Variants in DISP1 observed in about 807,000 individuals in gnomAD.
The protein encoded by DISP1 is protein dispatched homolog 1.
A neutral mutation model predicts 37.3 loss-of-function variants in DISP1; 30 were observed. That is an observed-to-expected ratio of 0.80 (90% CI 0.60 to 1.09). The LOEUF (loss-of-function observed/expected upper bound fraction) is 1.09, where lower values mean the gene tolerates loss of function less well. Ranked by LOEUF, DISP1 falls within the 50% of genes least tolerant of loss-of-function variation. DISP1 has a pLI of 0.00. For missense variants in DISP1, 1,598 were observed against 1,879.5 expected (o/e 0.85, Z 2.77); for synonymous variants, 634 against 690.2 (o/e 0.92, Z 1.28).
At chr1:222,959,700 C>CAAA (rs139605919) in intron 3 of DISP1, among the ~76,000 whole-genome samples, 46 of 111,790 alleles carry the variant, frequency 4.1e-4, no homozygotes, top group African/African-American at 1.4e-3. Context: ...AACTCTGTCT[C>CAAA]AAAAAAAAAA....
Position 222,994,889 on chromosome 1 carries a change from C to T in DISP1, c.894C>T (p.Asp298=). 1 of 1,606,366 alleles carries T rather than the reference C, an allele frequency of 6.2e-7. No homozygotes were observed. The highest frequency in any genetic ancestry group is 8.5e-7 in the Non-Finnish European group (1 of 1,173,998). The part of the protein sequence containing the change: ...KDSFFCDVPS[D]RYSRVVFTSS... Reference sequence around the variant, plus strand: ...TTTTTTTTTTCATATCACCAGGTGACCGATATTCCAGAGTGGTATTTACTT... The same window carrying T: ...TTTTTTTTTTCATATCACCAGGTGATCGATATTCCAGAGTGGTATTTACTT... The change falls in exon 8 of 9, where the codon GAC becomes GAT. Residue 298 remains aspartate (D), a synonymous_variant. Coordinates refer to ENST00000675850, the MANE Select transcript of DISP1 (RefSeq NM_001377229.1).
Position 223,004,792 on chromosome 1 carries a change from G to T in DISP1, c.3395G>T (p.Arg1132Leu). Residue 1132 changes from arginine to leucine, a missense_variant, in exon 9 of 9, where the codon CGG becomes CTG. Physicochemically the swap from Arg to Leu is moderately radical, Grantham distance 102 (BLOSUM62 -2). Coordinates refer to ENST00000675850, the MANE Select transcript of DISP1 (RefSeq NM_001377229.1). This position sits in a 1 kb window ranked among gnomAD's most constrained non-coding sequence, Gnocchi z 4.9. ...ACCTTCTTTTTCCAGTGCATGTGCCGGTGCCTTGGACCACAGGGTACCTGT... is the reference window on the plus strand; with the variant it reads ...ACCTTCTTTTTCCAGTGCATGTGCCTGTGCCTTGGACCACAGGGTACCTGT... ...FATFFFQCMC[R>L]CLGPQGTCGQ... The T allele has an allele frequency of 6.2e-7, 1 of 1,612,556 alleles. No homozygotes were observed.
At chr1:222,852,502 C>T (rs950556277) in intron 1 of DISP1, among the ~76,000 whole-genome samples, 4 of 151,924 alleles carry the variant, frequency 2.6e-5, no homozygotes, top group African/African-American at 4.8e-5. Flanking sequence ...CCACCGTGCC[C>T]GGCACCAAAG....
At chr1:222,816,072 A>AAT (rs68057775) in intron 1 of DISP1, among the ~76,000 whole-genome samples, 3,974 of 143,980 alleles carry the variant, frequency 0.028, 53 homozygotes, top group South Asian at 0.059. Flanking sequence ...GCTGTAAGGA[A>AAT]ATATATATAT....
chr1:222,919,377 C>T (rs1437185759), intron 1 of DISP1, among the ~76,000 whole-genome samples: 1 of 152,180 alleles, frequency 6.6e-6, no homozygotes, highest in Non-Finnish European at 1.5e-5. Flanking sequence ...ACATTGAAGC[C>T]TGTTAGCAAT....
Position 222,846,924 on chromosome 1 carries a change from A to G in DISP1, c.-159+31846A>G, listed in dbSNP as rs1279216799. On this transcript the variant is annotated intron_variant, in intron 1 of 8. Coordinates refer to ENST00000675850, the MANE Select transcript of DISP1 (RefSeq NM_001377229.1). The stretch of plus-strand genomic sequence containing the variant: ...TAGTTTCCGTTGTGATAATTTTTGT[A>G]GCTTCTCAACAGTATTTAAATTTTG... Among the ~76,000 whole-genome samples the G allele has an allele frequency of 8.5e-5, 13 of 152,358 alleles. No individual in the cohort carries two copies. The East Asian group carries it at 1.3e-3, about 16-fold the overall frequency.
Position 222,902,030 on chromosome 1 carries a change from A to G in DISP1, c.-158-26400A>G, listed in dbSNP as rs570239498. Among the ~76,000 whole-genome samples the G allele has an allele frequency of 2.2e-3, 339 of 151,996 alleles. 1 individual carries two copies. Among genetic ancestry groups the G allele is most frequent in the African/African-American group, 8.1e-3 (335 of 41,470 alleles). ...CCCTTTATCATTTTTTATTGTGTCTATTTGATTCTTCTCTCTTTTCTTCTT... is the reference window on the plus strand; with the variant it reads ...CCCTTTATCATTTTTTATTGTGTCTGTTTGATTCTTCTCTCTTTTCTTCTT... On this transcript the variant is annotated intron_variant, in intron 1 of 8. Coordinates refer to ENST00000675850, the MANE Select transcript of DISP1 (RefSeq NM_001377229.1).
intron 5 of DISP1, 87 bp downstream of exon 5, chr1:222,990,835 C>T: frequency 1.3e-6 from 2 of 1,551,012 alleles, no homozygotes; most frequent in South Asian, 1.1e-5. Flanking sequence ...TATTTAGTAA[C>T]CCATTTCTTT....
At position 223,003,041 on chromosome 1, in the gene DISP1, A is replaced by C; in HGVS notation, c.1644A>C (p.Val548=). The change falls in exon 9 of 9, where the codon GTA becomes GTC. Residue 548 remains valine (V), a synonymous_variant. Coordinates refer to ENST00000675850, the MANE Select transcript of DISP1 (RefSeq NM_001377229.1). This position sits in a 1 kb window ranked among gnomAD's most constrained non-coding sequence, Gnocchi z 4.3. The part of the protein sequence containing the change: ...SLIVSYFLYR[V]VFHFEFFPFM... ...TTGTTTCCTATTTTCTCTATCGTGT[A>C]GTATTTCACTTCGAATTTTTTCCTT... 6.2e-7 allele frequency: 1 copy of C among 1,614,136 alleles called. No homozygotes were observed. Among genetic ancestry groups the C allele is most frequent in the Non-Finnish European group, 8.5e-7 (1 of 1,180,042 alleles).
intron 1 of DISP1, among the ~76,000 whole-genome samples, chr1:222,870,442 C>G (rs982133319): frequency 6.6e-6 from 1 of 152,152 alleles, no homozygotes; most frequent in African/African-American, 2.4e-5. Context: ...CACATCCTCT[C>G]CAGCACCTGT....
chr1:222,971,907 G>A (rs1351358619), intron 3 of DISP1, among the ~76,000 whole-genome samples: 1 of 152,100 alleles, frequency 6.6e-6, no homozygotes, highest in Non-Finnish European at 1.5e-5. Flanking sequence ...TGAGAAATGT[G>A]TGTGTATCTT....
At chr1:222,962,300 A>G (rs559252119) in intron 3 of DISP1, among the ~76,000 whole-genome samples, 74 of 152,346 alleles carry the variant, frequency 4.9e-4, no homozygotes, top group African/African-American at 1.3e-3. Flanking sequence ...AAAGGGAAAA[A>G]CATTCCATGC....
chr1:222,826,141 C>T (rs1188991843), intron 1 of DISP1, among the ~76,000 whole-genome samples: 2 of 152,138 alleles, frequency 1.3e-5, no homozygotes, highest in African/African-American at 2.4e-5. Flanking sequence ...TGAGCTCAAG[C>T]TGTCCTCCCG....
At chr1:222,905,808 A>G (rs1402334893) in intron 1 of DISP1, among the ~76,000 whole-genome samples, 1 of 152,218 alleles carries the variant, frequency 6.6e-6, no homozygotes, top group Non-Finnish European at 1.5e-5. Flanking sequence ...TTGTTCTAGA[A>G]TATGAATAAA....
intron 3 of DISP1, among the ~76,000 whole-genome samples, chr1:222,961,963 G>A (rs1339737294): frequency 2.0e-5 from 3 of 151,718 alleles, no homozygotes; most frequent in East Asian, 1.9e-4. Context: ...CTGAGATCAC[G>A]CCACTGCACT....
chr1:222,847,851 A>G (rs1277926708), intron 1 of DISP1, among the ~76,000 whole-genome samples: 2 of 152,204 alleles, frequency 1.3e-5, no homozygotes, highest in East Asian at 3.8e-4. Flanking sequence ...GGAGCCATGT[A>G]GAATTTTAAA....
At chr1:222,981,614 A>C (rs890296012) in intron 3 of DISP1, among the ~76,000 whole-genome samples, 3 of 152,202 alleles carry the variant, frequency 2.0e-5, no homozygotes, top group African/African-American at 7.2e-5. Flanking sequence ...TTTCTTTTTA[A>C]GAGTGGGTAC....
chr1:222,821,567 T>A (rs1194882232), intron 1 of DISP1, among the ~76,000 whole-genome samples: 1 of 151,976 alleles, frequency 6.6e-6, no homozygotes, highest in Non-Finnish European at 1.5e-5. Context: ...TCTCATGAGA[T>A]CTGATGGTTT....
At chr1:222,949,700 C>G (rs1675068474) in intron 3 of DISP1, among the ~76,000 whole-genome samples, 1 of 152,158 alleles carries the variant, frequency 6.6e-6, no homozygotes, top group Admixed American at 6.5e-5. Flanking sequence ...GATCTCAGCT[C>G]ACTGCAACCT....
Sources: gnomAD v4.1 joint callset for allele counts (sites outside exome capture counted in the v4.1 genomes callset) on GRCh38, gnomAD v4.1.1 for gene constraint, Gnocchi (gnomAD v3.1) non-coding constraint, MANE v1.5 for transcripts, NCBI Gene and HGNC (gene_info 2026-07-23, HGNC 2026-07-21) for gene names.